FOXN3: variants seen among roughly 807,000 people sequenced by gnomAD.
The protein encoded by FOXN3 is forkhead box protein N3.
In FOXN3, 7 loss-of-function variants were observed where a neutral mutation model predicts 38.4. The observed-to-expected ratio is 0.18, with a 90% CI of 0.10 to 0.34. FOXN3 has a LOEUF of 0.34. Ranked by LOEUF, FOXN3 falls within the 10% of genes least tolerant of loss-of-function variation. The probability of loss-of-function intolerance (pLI) is 1.00; values close to 1 mark genes in which losing one functional copy is unlikely to be tolerated. For missense variants in FOXN3, 456 were observed against 613.4 expected, an observed-to-expected ratio of 0.74 and a Z score of 2.71; for synonymous variants, 230 against 242.2, an observed-to-expected ratio of 0.95 and a Z score of 0.47.
chr14:89,295,118 C>A (rs1411385297), intron 3 of FOXN3, among the ~76,000 whole-genome samples: 2 of 152,186 alleles, frequency 1.3e-5, no homozygotes, highest in African/African-American at 2.4e-5. Context: ...AGAACACCTG[C>A]ACCCAGGAGG....
At chr14:89,363,230 C>A (rs958507890) in intron 2 of FOXN3, among the ~76,000 whole-genome samples, 3 of 152,194 alleles carry the variant, frequency 2.0e-5, no homozygotes, top group Admixed American at 2.0e-4. Context: ...AACACCCCCA[C>A]ATCCCCAGCC....
At chr14:89,214,143 A>G (rs959305884) in intron 4 of FOXN3, among the ~76,000 whole-genome samples, 12 of 142,366 alleles carry the variant, frequency 8.4e-5, no homozygotes, top group Non-Finnish European at 1.5e-5. Flanking sequence ...GTTTGTTTAA[A>G]ATACCTACCA....
At chr14:89,487,803 T>C (rs371511598) in intron 1 of FOXN3, among the ~76,000 whole-genome samples, 251 of 151,672 alleles carry the variant, frequency 1.7e-3, no homozygotes, top group African/African-American at 5.6e-3. Flanking sequence ...GGCTGGAGAG[T>C]GTCAAGACAA....
intron 4 of FOXN3, among the ~76,000 whole-genome samples, chr14:89,256,777 G>C (rs1885636139): frequency 6.6e-6 from 1 of 152,182 alleles, no homozygotes; most frequent in African/African-American, 2.4e-5. Context: ...TCTTCTTGGT[G>C]AAATTTAGCT....
At chr14:89,397,541 G>A (rs958473289) in intron 2 of FOXN3, among the ~76,000 whole-genome samples, 3 of 151,582 alleles carry the variant, frequency 2.0e-5, no homozygotes, top group Non-Finnish European at 4.4e-5. Flanking sequence ...TGTCTGTGCT[G>A]TGGCTAGGCT....
intron 3 of FOXN3, among the ~76,000 whole-genome samples, chr14:89,319,477 A>G (rs4899981): frequency 0.76 from 116,161 of 151,852 alleles, 44,601 homozygotes; most frequent in African/African-American, 0.82. Context: ...AGTGCCCAAG[A>G]TTTTTACTGG....
chr14:89,471,586 A>G (rs1222943392), intron 1 of FOXN3, among the ~76,000 whole-genome samples: 1 of 152,160 alleles, frequency 6.6e-6, no homozygotes, highest in Non-Finnish European at 1.5e-5. Flanking sequence ...CTTGTCTCAA[A>G]AAAAAGACTT....
intron 4 of FOXN3, among the ~76,000 whole-genome samples, chr14:89,272,574 G>A (rs956930668): frequency 6.6e-5 from 10 of 151,806 alleles, no homozygotes; most frequent in African/African-American, 9.7e-5. Context: ...AAATTAAGCT[G>A]CGAGCGGTGG....
At chr14:89,230,683 C>T in intron 4 of FOXN3, 1 of 234,856 alleles carries the variant, frequency 4.3e-6, no homozygotes, top group Non-Finnish European at 9.0e-6. Context: ...TGTCTGTTTC[C>T]TTCACTGATG....
At chr14:89,376,451 C>T (rs988139939) in intron 2 of FOXN3, among the ~76,000 whole-genome samples, 9 of 152,184 alleles carry the variant, frequency 5.9e-5, no homozygotes, top group African/African-American at 2.2e-4. Context: ...AGTTCCTTTT[C>T]AGGAATATCA....
intron 4 of FOXN3, among the ~76,000 whole-genome samples, chr14:89,234,612 G>A (rs1443558597): frequency 6.6e-6 from 1 of 151,016 alleles, no homozygotes; most frequent in Non-Finnish European, 1.5e-5. Context: ...AAAGTATGTG[G>A]CATCCTCTCT....
At chr14:89,609,939 T>G (rs1346030714) in intron 1 of FOXN3, among the ~76,000 whole-genome samples, 1 of 151,810 alleles carries the variant, frequency 6.6e-6, no homozygotes, top group East Asian at 1.9e-4. Flanking sequence ...GCCTGGGAAA[T>G]AAGGATAATG....
At chr14:89,245,552 C>A (rs555971906) in intron 4 of FOXN3, among the ~76,000 whole-genome samples, 59 of 151,994 alleles carry the variant, frequency 3.9e-4, no homozygotes, top group African/African-American at 1.4e-3. Flanking sequence ...TAGGATACTT[C>A]TTTCCCCCTC....
intron 1 of FOXN3, among the ~76,000 whole-genome samples, chr14:89,490,084 CTT>C (rs1208697209): frequency 6.6e-6 from 1 of 152,216 alleles, no homozygotes; most frequent in Non-Finnish European, 1.5e-5. Context: ...ACGAAGAGAT[CTT>C]TTTTGCCACA....
At chr14:89,511,122 G>A (rs1566680732) in intron 1 of FOXN3, among the ~76,000 whole-genome samples, 1 of 37,780 alleles carries the variant, frequency 2.6e-5, no homozygotes, top group East Asian at 4.9e-4. Flanking sequence ...CCTGCTTGGT[G>A]TCTTTCTTTC....
intron 2 of FOXN3, among the ~76,000 whole-genome samples, chr14:89,393,354 T>C (rs1260964728): frequency 6.6e-6 from 1 of 152,234 alleles, no homozygotes; most frequent in Non-Finnish European, 1.5e-5. Context: ...ACATTCGTGG[T>C]ACCAGAGATG....
At chr14:89,313,052 A>G (rs753418888) in intron 3 of FOXN3, among the ~76,000 whole-genome samples, 26 of 152,204 alleles carry the variant, frequency 1.7e-4, no homozygotes, top group Non-Finnish European at 3.2e-4. Context: ...CTCACAACCA[A>G]GTCCCTGTCT....
intron 2 of FOXN3, among the ~76,000 whole-genome samples, chr14:89,351,562 G>A (rs984197567): frequency 2.6e-5 from 4 of 152,192 alleles, no homozygotes; most frequent in African/African-American, 4.8e-5. Flanking sequence ...CCTGTGAAGC[G>A]TTTGGTCTAT....
chr14:89,175,011 A>G (rs1887484615), intron 5 of FOXN3, among the ~76,000 whole-genome samples: 1 of 152,252 alleles, frequency 6.6e-6, no homozygotes, highest in African/African-American at 2.4e-5. Context: ...CTATCTTAAT[A>G]CTAAAGGTTG....
Sources: gnomAD v4.1 joint callset for allele counts (sites outside exome capture counted in the v4.1 genomes callset) on GRCh38, gnomAD v4.1.1 for gene constraint, MANE v1.5 for transcripts, NCBI Gene and HGNC (gene_info 2026-07-23, HGNC 2026-07-21) for gene names.